The following CCDC88A variants were observed in gnomAD, a reference collection of about 807,000 sequenced individuals.
CCDC88A encodes the protein coiled-coil and HOOK domain protein 88A.
In CCDC88A, 54 loss-of-function variants were observed where a neutral mutation model predicts 234.3. The observed-to-expected ratio is 0.23, with a 90% CI of 0.19 to 0.29. The LOEUF (loss-of-function observed/expected upper bound fraction) is 0.29. Ranked by LOEUF, CCDC88A falls within the 10% of genes least tolerant of loss-of-function variation. CCDC88A has a pLI of 1.00. For synonymous variants in CCDC88A, 753 were observed against 737.8 expected (o/e 1.02, Z -0.33); for missense variants, 1,832 against 2,123.4 (o/e 0.86, Z 2.70).
rs1277067700 is a variant in CCDC88A at position 55,309,080 on chromosome 2, A to G, written c.4173-57T>C. The G allele has an allele frequency of 6.7e-7, 1 of 1,483,106 alleles. No individual in the cohort carries two copies. Among genetic ancestry groups the G allele is most frequent in the South Asian group, 1.2e-5 (1 of 86,902 alleles). 91.9% of individuals were successfully genotyped at this position (1,483,106 alleles called of 1,614,324 possible). ...AAAATTCAACATACAAATCCTTCAC[A>G]AAAGTAGAAGTCATCACAATATTAG... On this transcript the variant is annotated intron_variant, in intron 24 of 32. Coordinates refer to ENST00000436346, the MANE Select transcript of CCDC88A (RefSeq NM_001365480.1). The surrounding 1 kb of genome is among the most constrained non-coding windows in gnomAD (Gnocchi z 5.1).
intron 2 of CCDC88A, among the ~76,000 whole-genome samples, chr2:55,413,323 C>T (rs1200740304): frequency 6.6e-6 from 1 of 152,118 alleles, no homozygotes; most frequent in Non-Finnish European, 1.5e-5. Flanking sequence ...GCAACCAGCA[C>T]TGGGGATATA....
chr2:55,364,061 C>T (rs1196524487), intron 5 of CCDC88A, 28 bp from the exon 6 acceptor site: 8 of 1,120,490 alleles, frequency 7.1e-6, no homozygotes, highest in Non-Finnish European at 9.2e-6. Flanking sequence ...AATAGTTATT[C>T]ATACTTTATA....
At chr2:55,412,183 G>A (rs183903662) in intron 2 of CCDC88A, among the ~76,000 whole-genome samples, 74 of 152,260 alleles carry the variant, frequency 4.9e-4, no homozygotes, top group African/African-American at 1.8e-3. Context: ...TACTAGGTTA[G>A]GTGCTAGTAA....
intron 25 of CCDC88A, chr2:55,306,307 AC>A (rs1167700410): frequency 6.6e-6 from 1 of 152,186 alleles, no homozygotes; most frequent in East Asian, 1.9e-4. Context: ...AAACTTGATG[AC>A]CTGTCTAAAA....
At position 55,288,258 on chromosome 2, in the gene CCDC88A, A is replaced by G. The variant is rs577602044; in HGVS notation, c.*2942T>C. ...CTTTTAAGGCATTTTCATTGTCCAA[A>G]TATCTCAACATGTACATCAAGGTTT... On this transcript the variant is annotated 3_prime_UTR_variant, in exon 33 of 33. Transcript: ENST00000436346. The G allele has an allele frequency of 2.0e-5, 3 of 152,764 alleles. No individual in the cohort carries two copies. Among genetic ancestry groups the G allele is most frequent in the Admixed American group, 6.5e-5 (1 of 15,298 alleles). 9.5% of individuals were successfully genotyped at this position (152,764 alleles called of 1,614,324 possible).
In CCDC88A at chr2:55,345,170, C is replaced by G. The variant is rs1221877302; in HGVS notation, c.1042-656G>C. On this transcript the variant is annotated intron_variant, in intron 10 of 32. Transcript: ENST00000436346. ...ATCCCTTAACAGTGTCATGCATACACAAGTCTTTAAATAACTGGCAAATAA... is the reference window on the plus strand; with the variant it reads ...ATCCCTTAACAGTGTCATGCATACAGAAGTCTTTAAATAACTGGCAAATAA... Among the ~76,000 whole-genome samples, 4 of 152,264 alleles carry G rather than the reference C, an allele frequency of 2.6e-5. No homozygotes were observed. The South Asian group carries it at 8.3e-4, about 32-fold the overall frequency.
chr2:55,322,657 T>A lies in CCDC88A; in HGVS notation c.3033A>T (p.Gln1011His). 6.4e-7 allele frequency: 1 copy of A among 1,567,284 alleles called. No individual in the cohort carries two copies. ...AGCTCTGTACCATCCTTTCCTCATC[T>A]TGTCTCTGTTTGAGAGCTTCATAAT... is the stretch of plus-strand genomic sequence containing the variant. Reference protein sequence around the residue: ...KKNYEALKQRQDEERMVQSSP... With the variant: ...KKNYEALKQRHDEERMVQSSP... Residue 1011 changes from glutamine (Q) to histidine (H), a missense_variant, in exon 18 of 33, where the codon CAA becomes CAT. Coordinates refer to ENST00000436346, the MANE Select transcript of CCDC88A (RefSeq NM_001365480.1).
At chr2:55,296,097 G>C (rs760812497) in intron 30 of CCDC88A, 41 bp from the exon 31 acceptor site, 1 of 1,455,118 alleles carries the variant, frequency 6.9e-7, no homozygotes, top group Non-Finnish European at 9.3e-7. Flanking sequence ...TGAATATAGT[G>C]CCATGTTTTT....
At chr2:55,321,889 G>A (rs1320534145) in intron 18 of CCDC88A, among the ~76,000 whole-genome samples, 2 of 147,446 alleles carry the variant, frequency 1.4e-5, no homozygotes, top group East Asian at 4.0e-4. Flanking sequence ...TTATTGCTTA[G>A]TTTTTAATTA....
intron 2 of CCDC88A, among the ~76,000 whole-genome samples, chr2:55,399,129 A>G (rs1049224810): frequency 6.6e-6 from 1 of 152,182 alleles, no homozygotes; most frequent in African/African-American, 2.4e-5. Flanking sequence ...CTTATCTACC[A>G]CTATCAGGAA....
At chr2:55,333,287 C>T (rs2104685667) in intron 15 of CCDC88A, among the ~76,000 whole-genome samples, 1 of 152,296 alleles carries the variant, frequency 6.6e-6, no homozygotes, top group South Asian at 2.1e-4. Flanking sequence ...AGGGTTATCA[C>T]ATATTATAAT....
At position 55,303,106 on chromosome 2, in the gene CCDC88A, A is replaced by G; in HGVS notation, c.4434T>C (p.Asp1478=). The G allele has an allele frequency of 6.4e-7, 1 of 1,551,804 alleles. No homozygotes were observed. The highest frequency in any genetic ancestry group is 8.7e-7 in the Non-Finnish European group (1 of 1,146,846). ...RLPFLRNRPK[D]KDKMKACYRR... is the part of the protein sequence containing the mutation. The stretch of plus-strand genomic sequence containing the variant: ...GGTAGCAGGCCTTCATTTTGTCTTT[A>G]TCCTTCGGTCTGTTCCTCAAAAAGG... The change falls in exon 26 of 33, where the codon GAT becomes GAC. Residue 1478 remains aspartate (D), a synonymous_variant. Transcript: ENST00000436346.
intron 2 of CCDC88A, chr2:55,403,995 T>C (rs1574486452): frequency 6.6e-6 from 1 of 152,312 alleles, no homozygotes; most frequent in East Asian, 1.9e-4. Context: ...AATTCCAAAG[T>C]GGGCTGATAT....
chr2:55,336,715 GT>G lies in CCDC88A; in HGVS notation c.1621del (p.Thr541GlnfsTer2). ...LMKEKAQLEK[T>X]IETLRENSER... ...TGAATTTTCTCTCAGTGTTTCTATT[GT>G]TTTTTCAAGCTGAGCTTTCTCCTTC... On this transcript the variant is annotated frameshift_variant, in exon 14 of 33. Transcript: ENST00000436346. LOFTEE classifies it high-confidence loss of function. The G allele has an allele frequency of 6.3e-7, 1 of 1,589,588 alleles. No individual in the cohort carries two copies. Among genetic ancestry groups the G allele is most frequent in the Non-Finnish European group, 8.6e-7 (1 of 1,167,420 alleles).
Position 55,339,590 on chromosome 2 carries a change from C to G in CCDC88A, c.1392G>C (p.Lys464Asn). Residue 464 changes from lysine to asparagine, a missense_variant, in exon 13 of 33, where the codon AAG becomes AAC. By Grantham distance (94) the Lys-to-Asn change is moderately conservative. Coordinates refer to ENST00000436346, the MANE Select transcript of CCDC88A (RefSeq NM_001365480.1). ...TCAAACTTTGATTTTCCATCTCTAG[C>G]TTCAATAATCTACTTGATGTCAACT... ...VNELTSSRLL[K>N]LEMENQSLTK... The G allele has an allele frequency of 6.2e-7, 1 of 1,613,852 alleles. No individual in the cohort carries two copies. Among genetic ancestry groups the G allele is most frequent in the Non-Finnish European group, 8.5e-7 (1 of 1,179,878 alleles).
chr2:55,381,285 G>T (rs1462105307), intron 3 of CCDC88A, among the ~76,000 whole-genome samples: 4 of 152,140 alleles, frequency 2.6e-5, no homozygotes, highest in East Asian at 1.9e-4. Flanking sequence ...TGTTGTTAAG[G>T]TACACAAGAC....
intron 7 of CCDC88A, among the ~76,000 whole-genome samples, chr2:55,360,921 T>C (rs1255311241): frequency 6.6e-6 from 1 of 152,118 alleles, no homozygotes; most frequent in Non-Finnish European, 1.5e-5. Context: ...AAACCCTGTC[T>C]CTACTGAAAA....
At chr2:55,349,361 G>T in intron 9 of CCDC88A, 157 bp downstream of exon 9, 2 of 594,686 alleles carry the variant, frequency 3.4e-6, no homozygotes, top group Non-Finnish European at 5.8e-6. Context: ...TGACATTTTT[G>T]AAGAGAGAGA....
chr2:55,336,898 G>A, intron 13 of CCDC88A, 80 bp from the exon 14 acceptor site: 3 of 854,042 alleles, frequency 3.5e-6, no homozygotes, highest in Middle Eastern at 3.1e-4. Flanking sequence ...CATAATCGCT[G>A]AATAAAGGAT....
Sources: allele counts gnomAD v4.1 joint callset (sites outside exome capture counted in the v4.1 genomes callset), GRCh38; gene constraint gnomAD v4.1.1; non-coding constraint Gnocchi (gnomAD v3.1); transcripts MANE v1.5; gene names NCBI Gene and HGNC (gene_info 2026-07-23, HGNC 2026-07-21).